RNF170: variants seen among roughly 807,000 people sequenced by gnomAD.
RNF170 encodes ring finger protein 170.
Under a neutral mutation model 32.7 loss-of-function variants are expected in RNF170, and 12 were observed. The observed-to-expected ratio is 0.37, with a 90% CI of 0.24 to 0.60. The LOEUF (loss-of-function observed/expected upper bound fraction) is 0.60. Among genes scored for constraint, RNF170 ranks in the 20% least tolerant of loss-of-function variants. The pLI is 0.72. For synonymous variants in RNF170, 91 were observed against 103.6 expected (o/e 0.88, Z 0.74); for missense variants, 212 against 311.2 (o/e 0.68, Z 2.40).
intron 1 of RNF170, 95 bp from the exon 2 acceptor site, chr8:42,887,966 T>C: frequency 8.3e-7 from 1 of 1,206,946 alleles, no homozygotes; most frequent in Non-Finnish European, 1.2e-6. Flanking sequence ...ACTTCTAATA[T>C]ATTTGGTTTC....
chr8:42,862,226 A>G (rs1277164718), intron 5 of RNF170, among the ~76,000 whole-genome samples: 5 of 152,190 alleles, frequency 3.3e-5, no homozygotes, highest in South Asian at 2.1e-4. Context: ...CAGAAAAATT[A>G]TGGTTTTCTT....
chr8:42,887,473 C>T (rs1397521975), intron 2 of RNF170, among the ~76,000 whole-genome samples: 2 of 151,998 alleles, frequency 1.3e-5, no homozygotes, highest in Non-Finnish European at 2.9e-5. Context: ...TTTTAAATTG[C>T]CATACGCCAA....
Position 42,855,693 on chromosome 8 carries a change from C to G in RNF170, c.*466G>C, listed in dbSNP as rs1360946346. The G allele has an allele frequency of 1.6e-6, 2 of 1,278,856 alleles. No homozygotes were observed. Among genetic ancestry groups the G allele is most frequent in the Non-Finnish European group, 2.0e-6 (2 of 984,496 alleles). The allele number at this position is 1,278,856 out of a possible 1,614,324, so 79.2% of individuals were successfully genotyped here. A position where few individuals can be genotyped will look rare whatever the true frequency, so the allele number is the denominator to read the frequency against. ...AACTTAGCTAGCACTAAAAGAAATA[C>G]TGAATTTTCCCCAATAGTATATAAT... On this transcript the variant is annotated 3_prime_UTR_variant, in exon 7 of 7. Transcript: ENST00000527424.
rs1336055523 is a variant in RNF170, at chr8:42,855,133, C to T, written c.*1026G>A. 7.8e-7 allele frequency: 1 copy of T among 1,286,976 alleles called. No individual in the cohort carries two copies. The highest frequency in any genetic ancestry group is 1.2e-5 in the South Asian group (1 of 80,932). 79.7% of individuals were successfully genotyped at this position (1,286,976 alleles called of 1,614,324 possible). A position where few individuals can be genotyped will look rare whatever the true frequency, so the allele number is the denominator to read the frequency against. ...GGTTCCTAAAACAATCTTCCCTTTACAAATTACTTTTATATCTACTACGAA... is the reference window on the plus strand; with the variant it reads ...GGTTCCTAAAACAATCTTCCCTTTATAAATTACTTTTATATCTACTACGAA... On this transcript the variant is annotated 3_prime_UTR_variant, in exon 7 of 7. Coordinates refer to ENST00000527424, the MANE Select transcript of RNF170 (RefSeq NM_030954.4).
chr8:42,873,147 G>A (rs1010744156), intron 3 of RNF170, among the ~76,000 whole-genome samples: 4 of 151,680 alleles, frequency 2.6e-5, no homozygotes, highest in South Asian at 2.1e-4. Context: ...CTCCCGCCTC[G>A]GCCTCCCAAA....
intron 6 of RNF170, among the ~76,000 whole-genome samples, chr8:42,859,893 G>T (rs1428538299): frequency 6.6e-6 from 1 of 152,078 alleles, no homozygotes; most frequent in Non-Finnish European, 1.5e-5. Context: ...CAAGTGATCT[G>T]CCTGCCTCAG....
At position 42,855,086 on chromosome 8, in the gene RNF170, T is replaced by G. The variant is rs960545585; in HGVS notation, c.*1073A>C. 3.9e-6 allele frequency: 5 copies of G among 1,287,254 alleles called. No homozygotes were observed. The East Asian group carries it at 2.8e-4, about 71-fold the overall frequency. 79.7% of individuals were successfully genotyped at this position (1,287,254 alleles called of 1,614,324 possible). On this transcript the variant is annotated 3_prime_UTR_variant, in exon 7 of 7. Coordinates refer to ENST00000527424, the MANE Select transcript of RNF170 (RefSeq NM_030954.4). The stretch of plus-strand genomic sequence containing the variant: ...CTTCCTCAGAAATGCATCAGGCTAC[T>G]CTGTGTTTGCAGCATCGCCCAGGTT...
At chr8:42,858,483 A>G (rs1586480261) in intron 6 of RNF170, among the ~76,000 whole-genome samples, 1 of 152,230 alleles carries the variant, frequency 6.6e-6, no homozygotes, top group South Asian at 2.1e-4. Context: ...GCACTGTTGG[A>G]AACTCGGCAG....
At chr8:42,888,010 G>GA in intron 1 of RNF170, 139 bp from the exon 2 acceptor site, 1 of 727,958 alleles carries the variant, frequency 1.4e-6, no homozygotes, top group South Asian at 1.6e-5. Flanking sequence ...CTCCAGTGGG[G>GA]ACTGATGGAG....
intron 2 of RNF170, 115 bp downstream of exon 2, chr8:42,887,613 C>CTGG (rs1411570337): frequency 1.1e-5 from 11 of 973,038 alleles, no homozygotes; most frequent in Non-Finnish European, 1.7e-5. Flanking sequence ...TAGTAAACAT[C>CTGG]TACAATCACT....
chr8:42,866,779 C>T (rs1804115723), intron 4 of RNF170, among the ~76,000 whole-genome samples: 1 of 152,210 alleles, frequency 6.6e-6, no homozygotes, highest in Non-Finnish European at 1.5e-5. Flanking sequence ...AAGGAAGAGT[C>T]TGGCGACCTC....
downstream of RNF170, chr8:42,850,478 G>C: frequency 2.7e-6 from 1 of 377,122 alleles, no homozygotes; most frequent in South Asian, 2.4e-5. Flanking sequence ...ATCTTTCCTT[G>C]TCTTCTGCCC....
chr8:42,867,532 T>C (rs2128931622), intron 4 of RNF170, among the ~76,000 whole-genome samples: 1 of 149,660 alleles, frequency 6.7e-6, no homozygotes, highest in African/African-American at 2.5e-5. Flanking sequence ...TCCCAGCACT[T>C]TAGGAGGCCA....
chr8:42,855,019 T>TG lies in RNF170; in HGVS notation c.*1139_*1140insC, dbSNP rs755104460. The TG allele has an allele frequency of 1.9e-5, 24 of 1,287,260 alleles. No individual in the cohort carries two copies. The South Asian group carries it at 2.6e-4, about 14-fold the overall frequency. 79.7% of individuals were successfully genotyped at this position (1,287,260 alleles called of 1,614,324 possible). On this transcript the variant is annotated 3_prime_UTR_variant, in exon 7 of 7. Coordinates refer to ENST00000527424, the MANE Select transcript of RNF170 (RefSeq NM_030954.4). Reference sequence around the variant, plus strand: ...TGTCAAATGTAAATACCGTTCCCAGTACCTTCCTATTGGCTTGATGCTCAA... The same window carrying TG: ...TGTCAAATGTAAATACCGTTCCCAGTGACCTTCCTATTGGCTTGATGCTCAA...
In RNF170 at chr8:42,856,154, C is replaced by A. The variant is rs769472272; in HGVS notation, c.*5G>T. The A allele has an allele frequency of 1.2e-6, 2 of 1,612,160 alleles. No homozygotes were observed. The highest frequency in any genetic ancestry group is 1.7e-5 in the Admixed American group (1 of 59,918). The stretch of plus-strand genomic sequence containing the variant: ...ATCCTAGTAAACTCAGTTTTGTTTT[C>A]TTTTTCATCTAGTTAGCCTTTGGGT... On this transcript the variant is annotated 3_prime_UTR_variant, in exon 7 of 7. Coordinates refer to ENST00000527424, the MANE Select transcript of RNF170 (RefSeq NM_030954.4).
Position 42,873,983 on chromosome 8 carries a change from G to T in RNF170, c.161C>A (p.Pro54Gln). The change falls in exon 3 of 7, where the codon CCA becomes CAA. Residue 54 changes from proline to glutamine, a missense_variant. Coordinates refer to ENST00000527424, the MANE Select transcript of RNF170 (RefSeq NM_030954.4). The part of the protein sequence containing the change: ...LFRNVHQNIH[P>Q]ENQELVRVLR... ...TACCCTTACTAGCTCCTGGTTTTCT[G>T]GGTGAATGTTTTGATGTACATTTCT... The T allele has an allele frequency of 6.3e-7, 1 of 1,599,212 alleles. No homozygotes were observed. The highest frequency in any genetic ancestry group is 8.6e-7 in the Non-Finnish European group (1 of 1,166,740).
Position 42,855,102 on chromosome 8 carries a change from C to T in RNF170, c.*1057G>A, listed in dbSNP as rs1414882211. 28 of 1,287,112 alleles carry T rather than the reference C, an allele frequency of 2.2e-5. No homozygotes were observed. Among genetic ancestry groups the T allele is most frequent in the African/African-American group, 4.6e-5 (3 of 65,794 alleles). The allele number at this position is 1,287,112 out of a possible 1,614,324, so 79.7% of individuals were successfully genotyped here. On this transcript the variant is annotated 3_prime_UTR_variant, in exon 7 of 7. Transcript: ENST00000527424. Reference sequence around the variant, plus strand: ...TCAGGCTACTCTGTGTTTGCAGCATCGCCCAGGTTCCTAAAACAATCTTCC... The same window carrying T: ...TCAGGCTACTCTGTGTTTGCAGCATTGCCCAGGTTCCTAAAACAATCTTCC...
chr8:42,892,007 C>T (rs1254863675), intron 1 of RNF170, among the ~76,000 whole-genome samples: 2 of 152,130 alleles, frequency 1.3e-5, no homozygotes, highest in East Asian at 1.9e-4. Flanking sequence ...CTTCAATGCC[C>T]GGTCAATGCC....
chr8:42,888,151 C>T (rs1024035252), intron 1 of RNF170, among the ~76,000 whole-genome samples: 11 of 152,000 alleles, frequency 7.2e-5, no homozygotes, highest in Non-Finnish European at 1.2e-4. Flanking sequence ...CTGCAACGTC[C>T]GCCTCCCGGG....
Sources: gnomAD v4.1 joint callset for allele counts (sites outside exome capture counted in the v4.1 genomes callset) on GRCh38, gnomAD v4.1.1 for gene constraint, MANE v1.5 for transcripts, NCBI Gene and HGNC (gene_info 2026-07-23, HGNC 2026-07-21) for gene names.